LAPTM4A: variants seen among roughly 807,000 people sequenced by gnomAD.
LAPTM4A encodes lysosomal protein transmembrane 4 alpha.
A neutral mutation model predicts 29.9 loss-of-function variants in LAPTM4A; 19 were observed. The ratio of observed to expected loss-of-function variants is 0.64; its 90% CI spans 0.44 to 0.93. The LOEUF is 0.93. Among genes scored for constraint, LAPTM4A ranks in the 40% least tolerant of loss-of-function variants. The pLI is 0.00. For synonymous variants in LAPTM4A, 105 were observed against 102.1 expected, an observed-to-expected ratio of 1.03 and a Z score of -0.17; for missense variants, 293 against 288.5, an observed-to-expected ratio of 1.02 and a Z score of -0.11.
chr2:20,051,612 C>G lies in LAPTM4A; in HGVS notation c.-92G>C. ...AACGGCTGTTTCACGGCCTCCAAAA[C>G]CCAACGACGCGTCTTCAAACCCGCC... On this transcript the variant is annotated 5_prime_UTR_variant, in exon 1 of 7. Transcript: ENST00000175091. 2.5e-6 allele frequency: 2 copies of G among 802,438 alleles called. No homozygotes were observed. The highest frequency in any genetic ancestry group is 4.0e-6 in the Non-Finnish European group (2 of 494,390). 49.7% of individuals were successfully genotyped at this position (802,438 alleles called of 1,614,324 possible). A position where few individuals can be genotyped will look rare whatever the true frequency, so the allele number is the denominator to read the frequency against.
chr2:20,043,522 G>A (rs1372218102), intron 1 of LAPTM4A, among the ~76,000 whole-genome samples: 4 of 152,192 alleles, frequency 2.6e-5, no homozygotes, highest in East Asian at 1.9e-4. Flanking sequence ...GCCAGCTATC[G>A]ATAGTATTTT....
At chr2:20,035,176 A>T (rs1371258509) in intron 4 of LAPTM4A, 114 bp from the exon 5 acceptor site, 1 of 704,572 alleles carries the variant, frequency 1.4e-6, no homozygotes. Context: ...GATATTTAAT[A>T]AAAATGTATA....
chr2:20,048,604 C>T (rs1328910641), intron 1 of LAPTM4A, among the ~76,000 whole-genome samples: 1 of 152,214 alleles, frequency 6.6e-6, no homozygotes, highest in Non-Finnish European at 1.5e-5. Context: ...GGGAGAGGGG[C>T]TCCCCCAAGT....
chr2:20,049,504 C>A (rs960563358), intron 1 of LAPTM4A, among the ~76,000 whole-genome samples: 1 of 152,168 alleles, frequency 6.6e-6, no homozygotes, highest in Non-Finnish European at 1.5e-5. Flanking sequence ...AGAATAAGCG[C>A]CCGTAATGAA....
At chr2:20,044,760 G>A (rs1673874771) in intron 1 of LAPTM4A, among the ~76,000 whole-genome samples, 1 of 152,190 alleles carries the variant, frequency 6.6e-6, no homozygotes, top group South Asian at 2.1e-4. Flanking sequence ...GAAGGACCAA[G>A]AAACAGTGAA....
chr2:20,033,398 G>C lies in LAPTM4A; in HGVS notation c.628-119C>G, dbSNP rs903618747. 2.0e-4 allele frequency: 150 copies of C among 756,930 alleles called. No homozygotes were observed. In the African/African-American group the frequency reaches 2.2e-3, roughly 11 times the overall value. The allele number at this position is 756,930 out of a possible 1,614,324, so 46.9% of individuals were successfully genotyped here. On this transcript the variant is annotated intron_variant, in intron 6 of 6. Transcript: ENST00000175091. ...TTATACAAAACCATAAAGAAGAGCT[G>C]AAGAAACTGTTAGCTAAAATGTTCC...
intron 2 of LAPTM4A, among the ~76,000 whole-genome samples, chr2:20,038,377 A>T (rs1673725084): frequency 6.6e-6 from 1 of 152,194 alleles, no homozygotes. Flanking sequence ...TGCCTGACTT[A>T]CTGAATTTCT....
intron 1 of LAPTM4A, among the ~76,000 whole-genome samples, 161 bp from the exon 2 acceptor site, chr2:20,041,172 C>T (rs1673789545): frequency 6.6e-6 from 1 of 151,962 alleles, no homozygotes. Context: ...ACGCAATTAC[C>T]ACTATGAGAA....
rs183569784 is a variant in LAPTM4A at position 20,033,277 on chromosome 2, G to A, written c.630C>T (p.Tyr210=). The change falls in exon 7 of 7, where the codon TAC becomes TAT. Residue 210 remains tyrosine (Y), a splice_region_variant and synonymous_variant. Coordinates refer to ENST00000175091, the MANE Select transcript of LAPTM4A (RefSeq NM_014713.5). ...VYPAFEAPPQ[Y]VLPTYEMAVK... ...CGGCCATTTCATAGGTTGGCAAAAC[G>A]TACTAAAGAGAGAAAAAAAATTGTA... 36 of 1,612,454 alleles carry A rather than the reference G, an allele frequency of 2.2e-5. No homozygotes were observed. Among genetic ancestry groups the A allele is most frequent in the African/African-American group, 1.9e-4 (14 of 74,968 alleles).
At chr2:20,044,706 T>A (rs1673873525) in intron 1 of LAPTM4A, among the ~76,000 whole-genome samples, 1 of 152,210 alleles carries the variant, frequency 6.6e-6, no homozygotes, top group Admixed American at 6.5e-5. Flanking sequence ...TCACTGTGGG[T>A]CATACCACTA....
rs1028769233 is a variant in LAPTM4A, at chr2:20,032,988, T to C, written c.*217A>G. On this transcript the variant is annotated 3_prime_UTR_variant, in exon 7 of 7. Transcript: ENST00000175091. ...GCACTTTGCTCTTGCTTAACCTAGATTGTCTTCAAAAACTATTAAAATGTA... is the reference window on the plus strand; with the variant it reads ...GCACTTTGCTCTTGCTTAACCTAGACTGTCTTCAAAAACTATTAAAATGTA... 5.5e-6 allele frequency: 3 copies of C among 542,318 alleles called. No homozygotes were observed. The highest frequency in any genetic ancestry group is 3.8e-5 in the African/African-American group (2 of 53,206). 33.6% of individuals were successfully genotyped at this position (542,318 alleles called of 1,614,324 possible). A position where few individuals can be genotyped will look rare whatever the true frequency, so the allele number is the denominator to read the frequency against.
intron 2 of LAPTM4A, among the ~76,000 whole-genome samples, chr2:20,039,033 C>T (rs1467844504): frequency 6.6e-6 from 1 of 152,088 alleles, no homozygotes; most frequent in African/African-American, 2.4e-5. Flanking sequence ...TCTTTTGCCT[C>T]AGCCTCCAGA....
chr2:20,046,700 T>A (rs1435080344), intron 1 of LAPTM4A, among the ~76,000 whole-genome samples: 3 of 144,154 alleles, frequency 2.1e-5, no homozygotes, highest in African/African-American at 7.5e-5. Flanking sequence ...TATATTTTTA[T>A]ATGTTTTATA....
chr2:20,045,809 T>C (rs1320972563), intron 1 of LAPTM4A, among the ~76,000 whole-genome samples: 1 of 152,140 alleles, frequency 6.6e-6, no homozygotes, highest in Admixed American at 6.6e-5. Context: ...AAAAAAATCA[T>C]TTTTCAGTTT....
chr2:20,041,052 C>T, intron 1 of LAPTM4A, 41 bp from the exon 2 acceptor site: 2 of 1,605,538 alleles, frequency 1.2e-6, no homozygotes, highest in Non-Finnish European at 1.7e-6. Context: ...TAATTACCAT[C>T]ACGACGCAAT....
intron 1 of LAPTM4A, among the ~76,000 whole-genome samples, chr2:20,046,964 T>C (rs1177994904): frequency 1.3e-5 from 2 of 150,502 alleles, no homozygotes; most frequent in African/African-American, 2.4e-5. Context: ...CATCTTGCTG[T>C]AGAGAGAAAA....
At chr2:20,035,149 G>T (rs991996878) in intron 4 of LAPTM4A, 87 bp from the exon 5 acceptor site, 12 of 841,656 alleles carry the variant, frequency 1.4e-5, no homozygotes, top group Non-Finnish European at 2.4e-5. Flanking sequence ...GAATACAAAG[G>T]CACCAAAGTC....
intron 2 of LAPTM4A, among the ~76,000 whole-genome samples, chr2:20,038,465 G>A (rs532953695): frequency 2.0e-5 from 3 of 152,068 alleles, no homozygotes; most frequent in African/African-American, 4.8e-5. Flanking sequence ...TTGCTCTGTC[G>A]CCCAGGCTAG....
intron 3 of LAPTM4A, 42 bp from the exon 4 acceptor site, chr2:20,037,480 G>A (rs1673703391): frequency 1.2e-6 from 2 of 1,602,662 alleles, no homozygotes; most frequent in African/African-American, 2.7e-5. Context: ...TCACATATAG[G>A]AAATTACTAA....
Sources: gnomAD v4.1 joint callset for allele counts (sites outside exome capture counted in the v4.1 genomes callset) on GRCh38, gnomAD v4.1.1 for gene constraint, MANE v1.5 for transcripts, NCBI Gene and HGNC (gene_info 2026-07-23, HGNC 2026-07-21) for gene names.